The following MYO1B variants were observed in gnomAD, a reference collection of about 807,000 sequenced individuals.
The protein encoded by MYO1B is unconventional myosin-Ib.
A neutral mutation model predicts 159.7 loss-of-function variants in MYO1B; 72 were observed. The observed-to-expected ratio is 0.45, with a 90% CI of 0.37 to 0.55. MYO1B has a LOEUF of 0.55. Ranked by LOEUF, MYO1B falls within the 20% of genes least tolerant of loss-of-function variation. The pLI, the probability that MYO1B is intolerant of heterozygous loss-of-function variation, is 0.00. For synonymous variants in MYO1B, 468 were observed against 473.8 expected (o/e 0.99, Z 0.16); for missense variants, 1,062 against 1,364.8 (o/e 0.78, Z 3.50).
In MYO1B at chr2:191,256,618, A is replaced by T. The variant is rs542810570; in HGVS notation, c.-10+10992A>T. Among the ~76,000 whole-genome samples the T allele has an allele frequency of 2.0e-5, 3 of 152,352 alleles. No homozygotes were observed. The East Asian group carries it at 5.8e-4, about 29-fold the overall frequency. On this transcript the variant is annotated intron_variant, in intron 1 of 30. Coordinates refer to ENST00000392318, the MANE Select transcript of MYO1B (RefSeq NM_001130158.3). ...CAAAATGTTAAGTGATTGTGTTACG[A>T]TAATAGATTGGGGTGACTTTTACTT...
intron 3 of MYO1B, among the ~76,000 whole-genome samples, chr2:191,320,535 A>G (rs572465933): frequency 8.5e-4 from 130 of 152,254 alleles, no homozygotes; most frequent in Non-Finnish European, 1.6e-3. Flanking sequence ...ATGTATGTGC[A>G]AGTATCTGTC....
chr2:191,383,024 G>A (rs1695132958), intron 14 of MYO1B, among the ~76,000 whole-genome samples: 1 of 152,298 alleles, frequency 6.6e-6, no homozygotes, highest in East Asian at 1.9e-4. Flanking sequence ...GGAAATTGCT[G>A]CAGATGGGAG....
intron 3 of MYO1B, among the ~76,000 whole-genome samples, chr2:191,321,320 T>A (rs1221107908): frequency 6.6e-6 from 1 of 152,146 alleles, no homozygotes; most frequent in Non-Finnish European, 1.5e-5. Flanking sequence ...TTTCCATGAT[T>A]TATTTGCCTG....
intron 7 of MYO1B, among the ~76,000 whole-genome samples, chr2:191,358,579 T>G (rs1693451754): frequency 6.6e-6 from 1 of 152,238 alleles, no homozygotes; most frequent in Non-Finnish European, 1.5e-5. Flanking sequence ...TGCCAAACAT[T>G]AGACTGGCCA....
intron 1 of MYO1B, among the ~76,000 whole-genome samples, chr2:191,259,522 T>C (rs144657615): frequency 2.4e-3 from 367 of 152,374 alleles, no homozygotes; most frequent in African/African-American, 8.3e-3. Context: ...AGTTGTGTAT[T>C]ATTCCATTGA....
intron 2 of MYO1B, among the ~76,000 whole-genome samples, chr2:191,289,192 G>A (rs1196491940): frequency 3.3e-5 from 5 of 152,166 alleles, no homozygotes; most frequent in Non-Finnish European, 4.4e-5. Context: ...ACAGAGTAGC[G>A]CTTTATTACA....
chr2:191,343,413 C>T (rs1692352435), intron 5 of MYO1B, among the ~76,000 whole-genome samples: 1 of 152,190 alleles, frequency 6.6e-6, no homozygotes. Flanking sequence ...ACACACTTCC[C>T]ATGCTTCAGT....
chr2:191,418,239 G>A (rs1365490549), intron 30 of MYO1B, among the ~76,000 whole-genome samples: 3 of 152,270 alleles, frequency 2.0e-5, no homozygotes, highest in East Asian at 1.9e-4. Context: ...GAATTTAAAC[G>A]AAAATGTCCA....
At chr2:191,407,110 G>A (rs1044872921) in intron 24 of MYO1B, among the ~76,000 whole-genome samples, 5 of 152,182 alleles carry the variant, frequency 3.3e-5, no homozygotes, top group Non-Finnish European at 7.3e-5. Flanking sequence ...AGTGTTGCTA[G>A]ATCTTAGACA....
chr2:191,380,060 T>C (rs913938588), intron 13 of MYO1B, among the ~76,000 whole-genome samples: 6 of 152,362 alleles, frequency 3.9e-5, no homozygotes, highest in Non-Finnish European at 8.8e-5. Context: ...TAACTAAGTT[T>C]AGCATTAACA....
At chr2:191,410,917 A>T in intron 26 of MYO1B, 149 bp from the exon 27 acceptor site, 1 of 543,992 alleles carries the variant, frequency 1.8e-6, no homozygotes, top group Non-Finnish European at 3.2e-6. Context: ...AAAACCCACA[A>T]GGGAAAAATG....
At chr2:191,372,441 A>G (rs2126044348) in intron 13 of MYO1B, among the ~76,000 whole-genome samples, 1 of 152,354 alleles carries the variant, frequency 6.6e-6, no homozygotes, top group African/African-American at 2.4e-5. Flanking sequence ...GTTATAACTC[A>G]TAAACAATTC....
intron 3 of MYO1B, among the ~76,000 whole-genome samples, chr2:191,309,637 C>T (rs545836098): frequency 2.6e-5 from 4 of 152,316 alleles, no homozygotes; most frequent in East Asian, 3.9e-4. Flanking sequence ...TCCCCAGCCA[C>T]GCTGTCCTCC....
chr2:191,359,311 G>GTT lies in MYO1B; in HGVS notation c.563-1320_563-1319insTT, dbSNP rs1232947822. On this transcript the variant is annotated intron_variant, in intron 7 of 30. Transcript: ENST00000392318. ...CCCACTTGTACTTTTCAACCTTTGG[G>GTT]GTTTTTTTTTTTTTTCATGTTTTCT... is the stretch of plus-strand genomic sequence containing the variant. Among the ~76,000 whole-genome samples the GTT allele has an allele frequency of 7.7e-3, 181 of 23,442 alleles. 3 individuals are homozygous for GTT. The highest frequency in any genetic ancestry group is 0.014 in the African/African-American group (173 of 12,002). 15.4% of individuals were successfully genotyped at this position (23,442 alleles called of 152,430 possible). A position where few individuals can be genotyped will look rare whatever the true frequency, so the allele number is the denominator to read the frequency against.
chr2:191,251,694 A>G (rs940680122), intron 1 of MYO1B, among the ~76,000 whole-genome samples: 2 of 152,354 alleles, frequency 1.3e-5, no homozygotes, highest in South Asian at 2.1e-4. Context: ...AAAGAATGCA[A>G]TATCTTTAAA....
At chr2:191,356,813 T>G (rs1007660383) in intron 7 of MYO1B, among the ~76,000 whole-genome samples, 2 of 152,164 alleles carry the variant, frequency 1.3e-5, no homozygotes, top group African/African-American at 4.8e-5. Context: ...TGGCATATGC[T>G]TGTTGTTTAA....
chr2:191,373,414 G>A (rs958334564), intron 13 of MYO1B, among the ~76,000 whole-genome samples: 6 of 152,180 alleles, frequency 3.9e-5, no homozygotes, highest in African/African-American at 7.2e-5. Flanking sequence ...GTAAACTGCA[G>A]ATTCCAAACA....
At position 191,313,158 on chromosome 2, in the gene MYO1B, T is replaced by C. The variant is rs547627254; in HGVS notation, c.252-16777T>C. Among the ~76,000 whole-genome samples the C allele has an allele frequency of 2.0e-4, 30 of 148,080 alleles. No individual in the cohort carries two copies. In the Middle Eastern group the frequency reaches 0.011, roughly 52 times the overall value. On this transcript the variant is annotated intron_variant, in intron 3 of 30. Coordinates refer to ENST00000392318, the MANE Select transcript of MYO1B (RefSeq NM_001130158.3). The stretch of plus-strand genomic sequence containing the variant: ...TGGTTACTCAGATATCCAAGCTGCT[T>C]CTATATTGTAGTTATAATATCTGGC...
chr2:191,313,192 C>CTTTTTTTTTTTTTT lies in MYO1B; in HGVS notation c.252-16721_252-16708dup, dbSNP rs762175060. 3.3e-4 allele frequency among the ~76,000 whole-genome samples: 14 copies of CTTTTTTTTTTTTTT among 43,010 alleles called. 2 individuals are homozygous for CTTTTTTTTTTTTTT. The highest frequency in any genetic ancestry group is 3.2e-3 in the East Asian group (4 of 1,256). 28.2% of individuals were successfully genotyped at this position (43,010 alleles called of 152,430 possible). A position where few individuals can be genotyped will look rare whatever the true frequency, so the allele number is the denominator to read the frequency against. ...TAGTTATAATATCTGGCACACATGG[C>CTTTTTTTTTTTTTT]TTTTTTTTTTTTTTTTTTTTTTTTT... On this transcript the variant is annotated intron_variant, in intron 3 of 30. Transcript: ENST00000392318.
Sources: allele counts gnomAD v4.1 joint callset (sites outside exome capture counted in the v4.1 genomes callset), GRCh38; gene constraint gnomAD v4.1.1; transcripts MANE v1.5; gene names NCBI Gene and HGNC (gene_info 2026-07-23, HGNC 2026-07-21).